The following DGKB variants were observed in gnomAD, a reference collection of about 807,000 sequenced individuals.
DGKB encodes the protein 90 kDa diacylglycerol kinase.
A neutral mutation model predicts 114.3 loss-of-function variants in DGKB; 67 were observed. The ratio of observed to expected loss-of-function variants is 0.59; its 90% CI spans 0.48 to 0.72. The LOEUF (loss-of-function observed/expected upper bound fraction) is 0.72. Ranked by LOEUF, DGKB falls within the 30% of genes least tolerant of loss-of-function variation. The pLI is 0.00. For missense variants in DGKB, 907 were observed against 975.2 expected, an observed-to-expected ratio of 0.93 and a Z score of 0.93; for synonymous variants, 398 against 323.1, an observed-to-expected ratio of 1.23 and a Z score of -2.49.
At chr7:14,381,632 G>C (rs1298234841) in intron 21 of DGKB, among the ~76,000 whole-genome samples, 1 of 152,102 alleles carries the variant, frequency 6.6e-6, no homozygotes, top group Non-Finnish European at 1.5e-5. Flanking sequence ...ATTTTCTTTA[G>C]AGATGCCCAG....
At chr7:14,734,923 G>C (rs1831485464) in intron 5 of DGKB, among the ~76,000 whole-genome samples, 1 of 152,120 alleles carries the variant, frequency 6.6e-6, no homozygotes, top group Non-Finnish European at 1.5e-5. Context: ...GCGCTAGAGA[G>C]AGACGAGAAG....
chr7:14,304,087 A>ACACACACACACACACACACACTCTCTCT (rs140836395), intron 23 of DGKB, among the ~76,000 whole-genome samples: 2 of 110,070 alleles, frequency 1.8e-5, no homozygotes, highest in African/African-American at 3.6e-5. Context: ...ACACACACAC[A>ACACACACACACACACACACACTCTCTCT]CTCTCTCTCT....
chr7:14,392,760 G>A (rs1821515013), intron 21 of DGKB, among the ~76,000 whole-genome samples: 1 of 151,976 alleles, frequency 6.6e-6, no homozygotes, highest in African/African-American at 2.4e-5. Flanking sequence ...GCAAAAAGTG[G>A]CTATAACAAA....
intron 21 of DGKB, among the ~76,000 whole-genome samples, chr7:14,431,397 A>G (rs1828431201): frequency 6.6e-6 from 1 of 152,146 alleles, no homozygotes; most frequent in Non-Finnish European, 1.5e-5. Context: ...TTTTAAGTGA[A>G]AAGTTGAATA....
At chr7:14,208,329 C>T (rs920670249) in intron 23 of DGKB, among the ~76,000 whole-genome samples, 4 of 151,860 alleles carry the variant, frequency 2.6e-5, no homozygotes, top group Non-Finnish European at 5.9e-5. Flanking sequence ...GGTTTTTAAA[C>T]TGCTGGTGGA....
intron 1 of DGKB, among the ~76,000 whole-genome samples, chr7:14,923,097 T>G (rs906157298): frequency 3.9e-5 from 6 of 152,228 alleles, no homozygotes; most frequent in Non-Finnish European, 8.8e-5. Flanking sequence ...GGTACACAGT[T>G]TGAAGTTTTA....
intron 9 of DGKB, among the ~76,000 whole-genome samples, chr7:14,692,786 T>G (rs1823107785): frequency 6.6e-6 from 1 of 151,932 alleles, no homozygotes; most frequent in African/African-American, 2.4e-5. Context: ...GACCATGTCT[T>G]GGATCCCATG....
At chr7:14,149,645 G>A (rs1457784814) in intron 25 of DGKB, among the ~76,000 whole-genome samples, 1 of 152,040 alleles carries the variant, frequency 6.6e-6, no homozygotes, top group Non-Finnish European at 1.5e-5. Flanking sequence ...CCTAGTTACA[G>A]CCCAATATCA....
At chr7:14,919,062 G>GCGCA (rs1213217913) in intron 1 of DGKB, among the ~76,000 whole-genome samples, 244 of 118,150 alleles carry the variant, frequency 2.1e-3, no homozygotes, top group Middle Eastern at 4.5e-3. Context: ...TCCACCACAC[G>GCGCA]CACACACACA....
chr7:14,513,550 A>T (rs1275501152), intron 20 of DGKB, among the ~76,000 whole-genome samples: 4 of 152,062 alleles, frequency 2.6e-5, no homozygotes, highest in African/African-American at 9.6e-5. Context: ...CTATATTTTC[A>T]TACTATGTCA....
intron 13 of DGKB, among the ~76,000 whole-genome samples, chr7:14,649,132 G>C (rs1161613519): frequency 6.4e-5 from 7 of 109,316 alleles, no homozygotes; most frequent in African/African-American, 2.5e-4. Flanking sequence ...TCAGATTCAG[G>C]AAATACAGAG....
chr7:14,473,133 C>T (rs1387716817), intron 21 of DGKB, among the ~76,000 whole-genome samples: 1 of 152,150 alleles, frequency 6.6e-6, no homozygotes, highest in Non-Finnish European at 1.5e-5. Context: ...GAGACCTTTG[C>T]AGTAGGCCCT....
intron 20 of DGKB, among the ~76,000 whole-genome samples, chr7:14,489,187 T>A (rs963244585): frequency 2.6e-5 from 4 of 152,174 alleles, no homozygotes; most frequent in Admixed American, 2.0e-4. Flanking sequence ...TCTAATAGAA[T>A]CCTTATTTCA....
chr7:14,821,626 G>A (rs1328874361), intron 2 of DGKB, among the ~76,000 whole-genome samples: 1 of 152,206 alleles, frequency 6.6e-6, no homozygotes, highest in Non-Finnish European at 1.5e-5. Context: ...TTTCAGATGG[G>A]TTTGAAAGGT....
chr7:14,790,229 C>A (rs1336982801), intron 2 of DGKB, among the ~76,000 whole-genome samples: 1 of 152,120 alleles, frequency 6.6e-6, no homozygotes, highest in Non-Finnish European at 1.5e-5. Context: ...AGTATGTTCT[C>A]CCACTGTCTA....
At chr7:14,253,460 G>T (rs1386332606) in intron 23 of DGKB, among the ~76,000 whole-genome samples, 3 of 152,074 alleles carry the variant, frequency 2.0e-5, no homozygotes, top group African/African-American at 7.2e-5. Context: ...TCTGGCCCAG[G>T]CTATTAGCAC....
intron 17 of DGKB, among the ~76,000 whole-genome samples, chr7:14,590,606 A>G (rs532890561): frequency 6.6e-6 from 1 of 152,070 alleles, no homozygotes; most frequent in South Asian, 2.1e-4. Flanking sequence ...CTTTATCTCA[A>G]TTTCTTGATC....
intron 13 of DGKB, among the ~76,000 whole-genome samples, chr7:14,644,985 C>A (rs1417353513): frequency 2.6e-5 from 4 of 152,138 alleles, no homozygotes; most frequent in Non-Finnish European, 5.9e-5. Flanking sequence ...AGCCTGAAAA[C>A]CAAGCTGCCA....
chr7:14,658,169 G>A (rs984971320), intron 13 of DGKB, among the ~76,000 whole-genome samples: 2 of 151,884 alleles, frequency 1.3e-5, no homozygotes, highest in African/African-American at 2.4e-5. Flanking sequence ...GTAGAGATAC[G>A]TAGATTGCTG....
Sources: allele counts gnomAD v4.1 joint callset (sites outside exome capture counted in the v4.1 genomes callset), GRCh38; gene constraint gnomAD v4.1.1; transcripts MANE v1.5; gene names NCBI Gene and HGNC (gene_info 2026-07-23, HGNC 2026-07-21).